The following LDB2 variants were observed in gnomAD, a reference collection of about 807,000 sequenced individuals.
LDB2 encodes LIM domain binding 2.
A neutral mutation model predicts 44.3 loss-of-function variants in LDB2; 12 were observed. The ratio of observed to expected loss-of-function variants is 0.27; its 90% CI spans 0.17 to 0.44. The LOEUF (loss-of-function observed/expected upper bound fraction) is 0.44. LDB2 is among the 20% of genes least tolerant of loss of function. LDB2 has a pLI of 1.00. For missense variants in LDB2, 344 were observed against 473.5 expected, an observed-to-expected ratio of 0.73 and a Z score of 2.54; for synonymous variants, 164 against 174.8, an observed-to-expected ratio of 0.94 and a Z score of 0.49.
chr4:16,546,318 C>T (rs928691064), intron 5 of LDB2, among the ~76,000 whole-genome samples: 10 of 152,082 alleles, frequency 6.6e-5, no homozygotes, highest in African/African-American at 1.7e-4. Flanking sequence ...AACTTCTGGA[C>T]GAATTCTAAA....
chr4:16,713,929 A>G (rs1461218733), intron 2 of LDB2, among the ~76,000 whole-genome samples: 1 of 152,216 alleles, frequency 6.6e-6, no homozygotes, highest in Non-Finnish European at 1.5e-5. Flanking sequence ...TTGATAGATT[A>G]TTTCTGTCTG....
intron 5 of LDB2, among the ~76,000 whole-genome samples, chr4:16,552,441 C>T (rs1175376274): frequency 3.9e-5 from 6 of 152,084 alleles, no homozygotes; most frequent in Non-Finnish European, 8.8e-5. Context: ...AGCATTCAAC[C>T]ATTGCAACTA....
At chr4:16,816,677 C>T (rs1477705324) in intron 1 of LDB2, among the ~76,000 whole-genome samples, 1 of 152,114 alleles carries the variant, frequency 6.6e-6, no homozygotes, top group Non-Finnish European at 1.5e-5. Context: ...TCCCAAAGTG[C>T]TGGGATTACA....
At chr4:16,866,626 A>G (rs1328834606) in intron 1 of LDB2, among the ~76,000 whole-genome samples, 2 of 152,214 alleles carry the variant, frequency 1.3e-5, no homozygotes, top group Non-Finnish European at 1.5e-5. Context: ...GCTTTTCCCA[A>G]TGCATTATGT....
intron 2 of LDB2, among the ~76,000 whole-genome samples, chr4:16,615,899 C>T (rs1727166725): frequency 6.6e-6 from 1 of 152,118 alleles, no homozygotes; most frequent in African/African-American, 2.4e-5. Flanking sequence ...CGTGCTCTGC[C>T]TTATGGTAGC....
intron 2 of LDB2, among the ~76,000 whole-genome samples, chr4:16,674,843 T>C (rs1250756139): frequency 6.6e-6 from 1 of 152,024 alleles, no homozygotes; most frequent in Non-Finnish European, 1.5e-5. Context: ...CCCTCTCTTC[T>C]TCGGTGAATT....
At chr4:16,892,159 C>T (rs1031977741) in intron 1 of LDB2, among the ~76,000 whole-genome samples, 3 of 152,174 alleles carry the variant, frequency 2.0e-5, no homozygotes, top group African/African-American at 7.2e-5. Context: ...CCTTTCACTA[C>T]AGGAATATGC....
intron 1 of LDB2, among the ~76,000 whole-genome samples, chr4:16,842,758 T>G (rs1179925879): frequency 6.6e-6 from 1 of 152,176 alleles, no homozygotes; most frequent in Non-Finnish European, 1.5e-5. Flanking sequence ...GAACAATTTT[T>G]CTCTCTAAAG....
At chr4:16,586,487 T>TACACACACACAC (rs5856368) in intron 4 of LDB2, among the ~76,000 whole-genome samples, 1 of 128,840 alleles carries the variant, frequency 7.8e-6, no homozygotes, top group East Asian at 2.5e-4. Flanking sequence ...TGTCTTGAAA[T>TACACACACACAC]ACACACACAC....
intron 1 of LDB2, among the ~76,000 whole-genome samples, chr4:16,810,281 T>A (rs899391698): frequency 1.3e-5 from 2 of 152,140 alleles, no homozygotes; most frequent in African/African-American, 4.8e-5. Flanking sequence ...AAATGCATCT[T>A]CCTAAAAGAA....
intron 2 of LDB2, among the ~76,000 whole-genome samples, chr4:16,674,864 G>T (rs562468446): frequency 3.9e-5 from 6 of 152,006 alleles, no homozygotes; most frequent in Admixed American, 3.9e-4. Context: ...TCCCACCAAT[G>T]TTAAGGGAGT....
At chr4:16,714,537 G>A (rs1271708297) in intron 2 of LDB2, among the ~76,000 whole-genome samples, 1 of 152,084 alleles carries the variant, frequency 6.6e-6, no homozygotes, top group South Asian at 2.1e-4. Context: ...GGCTTCCAAG[G>A]TCTCTTCTAT....
At chr4:16,821,433 G>C (rs1339112745) in intron 1 of LDB2, among the ~76,000 whole-genome samples, 2 of 149,872 alleles carry the variant, frequency 1.3e-5, no homozygotes, top group Non-Finnish European at 3.0e-5. Context: ...GCCCAGGCTG[G>C]AGTGCAGTGG....
chr4:16,688,642 A>G (rs1162739669), intron 2 of LDB2, among the ~76,000 whole-genome samples: 1 of 152,210 alleles, frequency 6.6e-6, no homozygotes, highest in Non-Finnish European at 1.5e-5. Flanking sequence ...CAGGAGACCT[A>G]GTTTGGAGCT....
chr4:16,614,493 T>C (rs1360764754), intron 2 of LDB2, among the ~76,000 whole-genome samples: 1 of 147,930 alleles, frequency 6.8e-6, no homozygotes. Flanking sequence ...ACCTACAAAA[T>C]GGGAGAGAAG....
At position 16,570,246 on chromosome 4, in the gene LDB2, G is replaced by A. The variant is rs201145353; in HGVS notation, c.615+15676C>T. 5.4e-4 allele frequency among the ~76,000 whole-genome samples: 82 copies of A among 151,754 alleles called. No homozygotes were observed. In the East Asian group the frequency reaches 0.015, roughly 28 times the overall value. On this transcript the variant is annotated intron_variant, in intron 5 of 7. Coordinates refer to ENST00000304523, the MANE Select transcript of LDB2 (RefSeq NM_001290.5). Reference sequence around the variant, plus strand: ...TGGGAGGCTGAGGTGGGCGGATCACGAGGTCAGGAGATCGAGACCACCCTG... The same window carrying A: ...TGGGAGGCTGAGGTGGGCGGATCACAAGGTCAGGAGATCGAGACCACCCTG...
chr4:16,790,079 C>A (rs1012351060), intron 1 of LDB2, among the ~76,000 whole-genome samples: 6 of 152,086 alleles, frequency 3.9e-5, no homozygotes, highest in Non-Finnish European at 7.4e-5. Flanking sequence ...CCCTGTATAC[C>A]CTTTTGAAAG....
chr4:16,660,941 T>C (rs1211254309), intron 2 of LDB2, among the ~76,000 whole-genome samples: 4 of 152,212 alleles, frequency 2.6e-5, no homozygotes, highest in Non-Finnish European at 5.9e-5. Flanking sequence ...CATTGTCCTA[T>C]GCGGACTAAT....
chr4:16,727,102 G>A (rs1759665162), intron 2 of LDB2, among the ~76,000 whole-genome samples: 3 of 152,198 alleles, frequency 2.0e-5, no homozygotes, highest in African/African-American at 7.2e-5. Flanking sequence ...ATGGGTGAGA[G>A]AGATCAGTTT....
Sources: gnomAD v4.1 joint callset for allele counts (sites outside exome capture counted in the v4.1 genomes callset) on GRCh38, gnomAD v4.1.1 for gene constraint, MANE v1.5 for transcripts, NCBI Gene and HGNC (gene_info 2026-07-23, HGNC 2026-07-21) for gene names.